SCG5: variants seen among roughly 807,000 people sequenced by gnomAD.
SCG5 encodes secretogranin V.
SCG5 carries 18 observed loss-of-function variants against 25.7 expected under a neutral mutation model. The observed-to-expected ratio is 0.70, with a 90% CI of 0.48 to 1.04. SCG5 has a LOEUF of 1.04. SCG5 is among the 50% of genes least tolerant of loss of function. The pLI is 0.00. For synonymous variants in SCG5, 101 were observed against 91.7 expected, an observed-to-expected ratio of 1.10 and a Z score of -0.58; for missense variants, 206 against 259.8, an observed-to-expected ratio of 0.79 and a Z score of 1.42.
rs779807688 is a variant in SCG5, at chr15:32,643,715, G to GA, written c.124dup (p.Arg42LysfsTer34). The stretch of plus-strand genomic sequence containing the variant: ...ACCGGGTCTCAGAAGCAGATATCCA[G>GA]AGGCTGCTTCATGGTGTTATGGAGC... On this transcript the variant is annotated frameshift_variant, in exon 2 of 6. Transcript: ENST00000300175. LOFTEE classifies it high-confidence loss of function. The GA allele has an allele frequency of 6.2e-7, 1 of 1,613,946 alleles. No individual in the cohort carries two copies. Among genetic ancestry groups the GA allele is most frequent in the Admixed American group, 1.7e-5 (1 of 60,020 alleles).
intron 2 of SCG5, among the ~76,000 whole-genome samples, chr15:32,663,065 ATATATATATAT>A (rs2054257473): frequency 4.0e-5 from 2 of 50,182 alleles, no homozygotes; most frequent in Non-Finnish European, 8.9e-5. Flanking sequence ...ATATATATAT[ATATATATATAT>A]ATAATATATA....
intron 2 of SCG5, among the ~76,000 whole-genome samples, chr15:32,673,547 T>TGTGC (rs1453679885): frequency 6.6e-6 from 1 of 151,294 alleles, no homozygotes; most frequent in Non-Finnish European, 1.5e-5. Context: ...TGTGTGTGTG[T>TGTGC]GTGTGTGTGT....
chr15:32,679,711 T>C (rs1409064026), intron 2 of SCG5, 55 bp from the exon 3 acceptor site: 3 of 1,580,632 alleles, frequency 1.9e-6, no homozygotes, highest in South Asian at 2.2e-5. Flanking sequence ...TGAATAAATA[T>C]TGGTTGAAAT....
Position 32,696,797 on chromosome 15 carries a change from A to C in SCG5, c.*188A>C. ...TTCTGCTTTTTGCTAAATTAGAATA[A>C]GAGCTTTTTTGTTTCTTGGGTTTTT... On this transcript the variant is annotated 3_prime_UTR_variant, in exon 6 of 6. Coordinates refer to ENST00000300175, the MANE Select transcript of SCG5 (RefSeq NM_001144757.3). 4.6e-6 allele frequency: 2 copies of C among 433,616 alleles called. No homozygotes were observed. The highest frequency in any genetic ancestry group is 6.8e-5 in the East Asian group (2 of 29,594). The allele number at this position is 433,616 out of a possible 1,614,324, so 26.9% of individuals were successfully genotyped here.
chr15:32,648,793 A>G (rs1460292563), intron 2 of SCG5, among the ~76,000 whole-genome samples: 3 of 147,670 alleles, frequency 2.0e-5, no homozygotes, highest in South Asian at 2.2e-4. Context: ...TAAAAAAAAA[A>G]CAGAGTCTCA....
chr15:32,648,394 C>T (rs1191666046), intron 2 of SCG5, among the ~76,000 whole-genome samples: 3 of 152,084 alleles, frequency 2.0e-5, no homozygotes, highest in African/African-American at 4.8e-5. Context: ...GATTGTTCTT[C>T]ACAGGAAGAA....
chr15:32,658,198 A>G (rs1381726353), intron 2 of SCG5, among the ~76,000 whole-genome samples: 1 of 152,164 alleles, frequency 6.6e-6, no homozygotes, highest in Admixed American at 6.6e-5. Flanking sequence ...ATCATCTCTT[A>G]TCATGACTCA....
intron 3 of SCG5, among the ~76,000 whole-genome samples, chr15:32,683,521 A>G (rs936004494): frequency 6.6e-6 from 1 of 152,250 alleles, no homozygotes; most frequent in African/African-American, 2.4e-5. Flanking sequence ...AAGGGCAGTC[A>G]TAGTATAAAC....
intron 2 of SCG5, among the ~76,000 whole-genome samples, chr15:32,650,382 T>C (rs989597616): frequency 1.4e-4 from 21 of 152,212 alleles, no homozygotes; most frequent in Non-Finnish European, 2.6e-4. Flanking sequence ...ATTACAGGCG[T>C]GAGCCACCAC....
Position 32,691,937 on chromosome 15 carries a change from T to C in SCG5, c.543+174T>C, listed in dbSNP as rs796832559. 6 of 1,453,254 alleles carry C rather than the reference T, an allele frequency of 4.1e-6. No individual in the cohort carries two copies. The African/African-American group carries it at 8.6e-5, about 21-fold the overall frequency. The allele number at this position is 1,453,254 out of a possible 1,614,324, so 90.0% of individuals were successfully genotyped here. On this transcript the variant is annotated intron_variant, in intron 5 of 5. Coordinates refer to ENST00000300175, the MANE Select transcript of SCG5 (RefSeq NM_001144757.3). ...ACCCAGAAAGTCTGTCCTTGGTTTC[T>C]GCGATGGCTTCCCCAGGCTTTAGCA...
intron 2 of SCG5, among the ~76,000 whole-genome samples, chr15:32,647,681 C>T (rs1426849492): frequency 6.6e-6 from 1 of 152,162 alleles, no homozygotes; most frequent in Admixed American, 6.5e-5. Context: ...TCTCACCGCT[C>T]ATTCATTAAA....
At chr15:32,653,404 C>T (rs1409839438) in intron 2 of SCG5, among the ~76,000 whole-genome samples, 1 of 152,188 alleles carries the variant, frequency 6.6e-6, no homozygotes, top group Non-Finnish European at 1.5e-5. Context: ...GTAGAATAAT[C>T]CTTGTGAAAT....
chr15:32,666,788 ATTC>A (rs2140537285), intron 2 of SCG5, among the ~76,000 whole-genome samples: 1 of 152,318 alleles, frequency 6.6e-6, no homozygotes, highest in African/African-American at 2.4e-5. Context: ...TTACTTAAGT[ATTC>A]TTGTTTTACA....
intron 5 of SCG5, among the ~76,000 whole-genome samples, chr15:32,694,111 A>G (rs1011216017): frequency 8.5e-5 from 13 of 152,170 alleles, no homozygotes. Flanking sequence ...CTCCATCTCA[A>G]AACAAAGCAA....
At position 32,695,217 on chromosome 15, in the gene SCG5, G is replaced by A. The variant is rs983821233; in HGVS notation, c.544-1297G>A. Among the ~76,000 whole-genome samples, 3 of 151,930 alleles carry A rather than the reference G, an allele frequency of 2.0e-5. No individual in the cohort carries two copies. In the East Asian group the frequency reaches 5.8e-4, roughly 30 times the overall value. ...TTTTTAGTAGAGACGGGGTTTCACCGTGTTAGCCAGGATGGTCTCGATCTC... is the reference window on the plus strand; with the variant it reads ...TTTTTAGTAGAGACGGGGTTTCACCATGTTAGCCAGGATGGTCTCGATCTC... On this transcript the variant is annotated intron_variant, in intron 5 of 5. Coordinates refer to ENST00000300175, the MANE Select transcript of SCG5 (RefSeq NM_001144757.3).
intron 2 of SCG5, among the ~76,000 whole-genome samples, chr15:32,655,205 G>T (rs1433414720): frequency 6.6e-6 from 1 of 152,118 alleles, no homozygotes; most frequent in Non-Finnish European, 1.5e-5. Flanking sequence ...CTACTCAGGA[G>T]GCTGAGGCAG....
chr15:32,662,045 A>G (rs2054228420), intron 2 of SCG5, among the ~76,000 whole-genome samples: 1 of 152,218 alleles, frequency 6.6e-6, no homozygotes, highest in African/African-American at 2.4e-5. Context: ...TATTTTTAGT[A>G]GCTGCATTAT....
At chr15:32,688,613 G>A (rs1258458956) in intron 4 of SCG5, among the ~76,000 whole-genome samples, 1 of 152,152 alleles carries the variant, frequency 6.6e-6, no homozygotes. Context: ...GACTGGCAGT[G>A]TTCACTTTGT....
chr15:32,672,940 GA>G (rs1247624346), intron 2 of SCG5: 1 of 140,804 alleles, frequency 7.1e-6, no homozygotes, highest in Admixed American at 7.1e-5. Flanking sequence ...AAAAGAGACA[GA>G]GTGACGAAGT....
Sources: allele counts gnomAD v4.1 joint callset (sites outside exome capture counted in the v4.1 genomes callset), GRCh38; gene constraint gnomAD v4.1.1; transcripts MANE v1.5; gene names NCBI Gene and HGNC (gene_info 2026-07-23, HGNC 2026-07-21).